The following PCDHGC4 variants were observed in gnomAD, a reference collection of about 807,000 sequenced individuals.
PCDHGC4 encodes protocadherin gamma-C4.
PCDHGC4 carries 15 observed loss-of-function variants against 59.7 expected under a neutral mutation model. The observed-to-expected ratio is 0.25, with a 90% CI of 0.17 to 0.39. The LOEUF is 0.39. Ranked by LOEUF, PCDHGC4 falls within the 10% of genes least tolerant of loss-of-function variation. The pLI, the probability that PCDHGC4 is intolerant of heterozygous loss-of-function variation, is 1.00. For synonymous variants in PCDHGC4, 434 were observed against 481.4 expected (o/e 0.90, Z 1.29); for missense variants, 1,016 against 1,189.5 (o/e 0.85, Z 2.15).
intron 1 of PCDHGC4, among the ~76,000 whole-genome samples, chr5:141,492,474 G>T (rs2099741007): frequency 6.6e-6 from 1 of 152,218 alleles, no homozygotes; most frequent in African/African-American, 2.4e-5. Context: ...CCCAGATCGC[G>T]GCCGCCCAGG....
At chr5:141,507,680 A>C (rs73794928) in intron 3 of PCDHGC4, among the ~76,000 whole-genome samples, 2,806 of 152,362 alleles carry the variant, frequency 0.018, 91 homozygotes, top group African/African-American at 0.063. Flanking sequence ...GATGTTAAAA[A>C]CAGAAATGAA....
chr5:141,485,674 T>C lies in PCDHGC4; in HGVS notation c.501T>C (p.Ile167=). 1 of 1,612,986 alleles carries C rather than the reference T, an allele frequency of 6.2e-7. No homozygotes were observed. Among genetic ancestry groups the C allele is most frequent in the South Asian group, 1.1e-5 (1 of 91,072 alleles). ...AQDADVGSNS[I]SSYRLSSNEH... is the part of the protein sequence containing the mutation. Reference sequence around the variant, plus strand: ...ATGCAGATGTGGGGAGCAATTCGATTAGCAGCTATAGGCTGAGCTCCAATG... The same window carrying C: ...ATGCAGATGTGGGGAGCAATTCGATCAGCAGCTATAGGCTGAGCTCCAATG... Residue 167 remains isoleucine, a synonymous_variant, in exon 1 of 4, where the codon ATT becomes ATC. Transcript: ENST00000306593. This position sits in a 1 kb window ranked among gnomAD's most constrained non-coding sequence, Gnocchi z 5.7.
chr5:141,505,523 G>A, intron 3 of PCDHGC4, 42 bp downstream of exon 3: 1 of 1,612,760 alleles, frequency 6.2e-7, no homozygotes, highest in Middle Eastern at 1.7e-4. Flanking sequence ...GGGAGACCTG[G>A]GGTTCTGGGG....
chr5:141,494,977 T>C, intron 2 of PCDHGC4, 112 bp downstream of exon 2: 1 of 1,574,332 alleles, frequency 6.4e-7, no homozygotes, highest in East Asian at 2.3e-5. Context: ...TCTCCCTCAG[T>C]TTGAGATCCC....
At position 141,485,576 on chromosome 5, in the gene PCDHGC4, C is replaced by A; in HGVS notation, c.403C>A (p.Arg135=). 1 of 1,612,412 alleles carries A rather than the reference C, an allele frequency of 6.2e-7. No individual in the cohort carries two copies. The highest frequency in any genetic ancestry group is 8.5e-7 in the Non-Finnish European group (1 of 1,178,628). The change falls in exon 1 of 4, where the codon CGG becomes AGG. Residue 135 remains arginine, a synonymous_variant. Transcript: ENST00000306593. The surrounding 1 kb of genome is among the most constrained non-coding windows in gnomAD (Gnocchi z 5.7). ...GAATGATCACGCCCCCCGTTTTCCGCGGCAGCAGCTGGACTTGGAAATTGG... is the reference window on the plus strand; with the variant it reads ...GAATGATCACGCCCCCCGTTTTCCGAGGCAGCAGCTGGACTTGGAAATTGG... ...DVNDHAPRFP[R]QQLDLEIGEA... is the part of the protein sequence containing the mutation.
Position 141,512,171 on chromosome 5 carries a change from T to C in PCDHGC4, c.*998T>C, listed in dbSNP as rs140884268. ...GGGCTGAGCTAACAGGACCAATGGA[T>C]TAAACTGGCATTTCAGTCCAAGGAA... On this transcript the variant is annotated 3_prime_UTR_variant, in exon 4 of 4. Transcript: ENST00000306593. 584 of 152,796 alleles carry C rather than the reference T, an allele frequency of 3.8e-3. 5 individuals carry two copies. The highest frequency in any genetic ancestry group is 0.011 in the Admixed American group (167 of 15,298). The allele number at this position is 152,796 out of a possible 1,614,324, so 9.5% of individuals were successfully genotyped here. A position where few individuals can be genotyped will look rare whatever the true frequency, so the allele number is the denominator to read the frequency against.
chr5:141,509,060 T>G (rs2099874519), intron 3 of PCDHGC4, among the ~76,000 whole-genome samples: 1 of 152,216 alleles, frequency 6.6e-6, no homozygotes, highest in Middle Eastern at 3.4e-3. Flanking sequence ...CAGAAAGCTC[T>G]CAGCTCCGGG....
Position 141,491,930 on chromosome 5 carries a change from G to A in PCDHGC4, c.2443-2877G>A, listed in dbSNP as rs2099735399. On this transcript the variant is annotated intron_variant, in intron 1 of 3. Transcript: ENST00000306593. The surrounding 1 kb of genome is among the most constrained non-coding windows in gnomAD (Gnocchi z 6.9). ...GTGGCGACTGTGGGCGAGGGGAGGT[G>A]GGACCGACCCCCACCCCTACACTCA... 1.6e-6 allele frequency: 2 copies of A among 1,276,580 alleles called. No homozygotes were observed. The highest frequency in any genetic ancestry group is 2.1e-6 in the Non-Finnish European group (2 of 943,112). 79.1% of individuals were successfully genotyped at this position (1,276,580 alleles called of 1,614,324 possible).
intron 2 of PCDHGC4, among the ~76,000 whole-genome samples, chr5:141,503,269 C>T (rs1161751693): frequency 6.6e-6 from 1 of 152,116 alleles, no homozygotes; most frequent in Non-Finnish European, 1.5e-5. Flanking sequence ...ACCCCAGCAC[C>T]TGGCTCTGTG....
intron 1 of PCDHGC4, among the ~76,000 whole-genome samples, chr5:141,488,738 A>G (rs1462948813): frequency 1.3e-5 from 2 of 152,222 alleles, no homozygotes; most frequent in Non-Finnish European, 2.9e-5. Context: ...TTCTGAAGTC[A>G]TGCAGGAAGT....
Position 141,491,905 on chromosome 5 carries a change from G to A in PCDHGC4, c.2443-2902G>A. 7.1e-7 allele frequency: 1 copy of A among 1,418,328 alleles called. No individual in the cohort carries two copies. Among genetic ancestry groups the A allele is most frequent in the Non-Finnish European group, 9.3e-7 (1 of 1,069,952 alleles). 87.9% of individuals were successfully genotyped at this position (1,418,328 alleles called of 1,614,324 possible). ...GATGGGGCTCCGAGCACCGGGGGTG[G>A]TGGCGACTGTGGGCGAGGGGAGGTG... On this transcript the variant is annotated intron_variant, in intron 1 of 3. Transcript: ENST00000306593. This position sits in a 1 kb window ranked among gnomAD's most constrained non-coding sequence, Gnocchi z 6.9.
chr5:141,501,030 A>G (rs2099805050), intron 2 of PCDHGC4, among the ~76,000 whole-genome samples: 1 of 151,848 alleles, frequency 6.6e-6, no homozygotes, highest in Admixed American at 6.6e-5. Flanking sequence ...CACCACGCCC[A>G]GCTAATTTTT....
Position 141,486,971 on chromosome 5 carries a change from T to G in PCDHGC4, c.1798T>G (p.Ser600Ala). ...ITKVTAVDLD[S>A]GYNAWVSYQL... ...AAAGGTGACTGCTGTGGACTTGGAT[T>G]CAGGTTACAATGCTTGGGTTTCCTA... The change falls in exon 1 of 4, where the codon TCA becomes GCA. Residue 600 changes from serine (S) to alanine (A), a missense_variant. By Grantham distance (99) the Ser-to-Ala change is moderately conservative. Transcript: ENST00000306593. The surrounding 1 kb of genome is among the most constrained non-coding windows in gnomAD (Gnocchi z 5.0). The G allele has an allele frequency of 6.2e-7, 1 of 1,614,220 alleles. No homozygotes were observed. The highest frequency in any genetic ancestry group is 8.5e-7 in the Non-Finnish European group (1 of 1,180,042).
At chr5:141,503,936 C>G (rs2099834285) in intron 2 of PCDHGC4, among the ~76,000 whole-genome samples, 1 of 152,186 alleles carries the variant, frequency 6.6e-6, no homozygotes, top group Non-Finnish European at 1.5e-5. Flanking sequence ...CATTTTCATG[C>G]CTTCAAGGCC....
Position 141,489,322 on chromosome 5 carries a change from T to C in PCDHGC4, c.2442+1707T>C. The C allele has an allele frequency of 6.2e-7, 1 of 1,601,052 alleles. No individual in the cohort carries two copies. Among genetic ancestry groups the C allele is most frequent in the Non-Finnish European group, 8.5e-7 (1 of 1,172,658 alleles). ...GTCCTTGTGCTGCTGGGGCTGGGTGTCTGGGCAGCTTCGTTACTCAGTGGT... is the reference window on the plus strand; with the variant it reads ...GTCCTTGTGCTGCTGGGGCTGGGTGCCTGGGCAGCTTCGTTACTCAGTGGT... On this transcript the variant is annotated intron_variant, in intron 1 of 3. Coordinates refer to ENST00000306593, the MANE Select transcript of PCDHGC4 (RefSeq NM_018928.3). The surrounding 1 kb of genome is among the most constrained non-coding windows in gnomAD (Gnocchi z 4.5).
In PCDHGC4 at chr5:141,490,267, G is replaced by A. The variant is rs765238578; in HGVS notation, c.2442+2652G>A. ...TGTGATTCAAGTGGATGTGGGGGAT[G>A]TCAATGACAATGCCCCAGAGGTGCT... On this transcript the variant is annotated intron_variant, in intron 1 of 3. Transcript: ENST00000306593. The surrounding 1 kb of genome is among the most constrained non-coding windows in gnomAD (Gnocchi z 5.4). The A allele has an allele frequency of 6.2e-7, 1 of 1,614,242 alleles. No homozygotes were observed. The highest frequency in any genetic ancestry group is 1.1e-5 in the South Asian group (1 of 91,084).
intron 3 of PCDHGC4, among the ~76,000 whole-genome samples, chr5:141,509,766 G>A (rs1176830940): frequency 6.6e-6 from 1 of 152,104 alleles, no homozygotes; most frequent in Non-Finnish European, 1.5e-5. Flanking sequence ...TCCCTGAGAT[G>A]TCTAGTCCCC....
chr5:141,499,689 C>CTTTT (rs545067566), intron 2 of PCDHGC4, among the ~76,000 whole-genome samples: 17 of 119,848 alleles, frequency 1.4e-4, no homozygotes, highest in East Asian at 2.4e-4. Context: ...TAACAGATGA[C>CTTTT]TTTTTTTTTT....
rs372994272 is a variant in PCDHGC4, at chr5:141,485,358, G to C, written c.185G>C (p.Arg62Pro). Residue 62 changes from arginine to proline, a missense_variant, in exon 1 of 4, where the codon CGC becomes CCC. Arg to Pro is a moderately radical substitution (Grantham distance 103). Coordinates refer to ENST00000306593, the MANE Select transcript of PCDHGC4 (RefSeq NM_018928.3). This position sits in a 1 kb window ranked among gnomAD's most constrained non-coding sequence, Gnocchi z 5.7. ...CTGGATACGGACAGTCTGTCAGCTC[G>C]CAGGCTGCAGGTCGCTGGAGAGGTG... is the stretch of plus-strand genomic sequence containing the variant. ...FLLDTDSLSA[R>P]RLQVAGEVNQ... 3.1e-6 allele frequency: 5 copies of C among 1,613,982 alleles called. No homozygotes were observed. Among genetic ancestry groups the C allele is most frequent in the Non-Finnish European group, 4.2e-6 (5 of 1,180,014 alleles).
Sources: gnomAD v4.1 joint callset for allele counts (sites outside exome capture counted in the v4.1 genomes callset) on GRCh38, gnomAD v4.1.1 for gene constraint, Gnocchi (gnomAD v3.1) non-coding constraint, MANE v1.5 for transcripts, NCBI Gene and HGNC (gene_info 2026-07-23, HGNC 2026-07-21) for gene names.